The following ERICH3 variants were observed in gnomAD, a reference collection of about 807,000 sequenced individuals.
ERICH3 encodes glutamate-rich protein 3.
ERICH3 carries 126 observed loss-of-function variants against 131.1 expected under a neutral mutation model. That is an observed-to-expected ratio of 0.96 (90% CI 0.83 to 1.11). The LOEUF is 1.11. Ranked by LOEUF, ERICH3 falls within the 50% of genes most tolerant of loss-of-function variation. The pLI is 0.00. For missense variants in ERICH3, 2,050 were observed against 1,810.7 expected, an observed-to-expected ratio of 1.13 and a Z score of -2.40; for synonymous variants, 695 against 644.6, an observed-to-expected ratio of 1.08 and a Z score of -1.18.
chr1:74,641,255 G>C lies in ERICH3; in HGVS notation c.444+76C>G, dbSNP rs1457245039. On this transcript the variant is annotated intron_variant, in intron 5 of 14. Coordinates refer to ENST00000326665, the MANE Select transcript of ERICH3 (RefSeq NM_001002912.5). ...CATTACGGAGTCATGCTCCCAGAGA[G>C]TATCCCTTCTGAGAATAAGAAATAA... 2.6e-6 allele frequency: 4 copies of C among 1,534,402 alleles called. No individual in the cohort carries two copies. In the Admixed American group the frequency reaches 5.7e-5, roughly 22 times the overall value.
At chr1:74,579,660 A>C in intron 12 of ERICH3, 1 of 985,412 alleles carries the variant, frequency 1.0e-6, no homozygotes, top group Non-Finnish European at 1.2e-6. Context: ...ACTTAAAAGC[A>C]AGAACTTGGC....
chr1:74,661,551 T>C (rs1387311368), intron 1 of ERICH3, among the ~76,000 whole-genome samples: 2 of 152,206 alleles, frequency 1.3e-5, no homozygotes, highest in Non-Finnish European at 2.9e-5. Context: ...AAGAAAGTGA[T>C]TTATTGACTG....
At chr1:74,641,504 T>C (rs1265045931) in intron 4 of ERICH3, 45 bp from the exon 5 acceptor site, 1 of 1,590,176 alleles carries the variant, frequency 6.3e-7, no homozygotes, top group Admixed American at 1.8e-5. Flanking sequence ...TAGTTAGTAA[T>C]CTAGGTTAGA....
chr1:74,673,427 GGGA>G, intron 1 of ERICH3, 67 bp downstream of exon 1: 1 of 1,582,832 alleles, frequency 6.3e-7, no homozygotes, highest in Non-Finnish European at 8.6e-7. Flanking sequence ...CGCAGCAGGA[GGGA>G]GGAGGAGGGG....
intron 4 of ERICH3, among the ~76,000 whole-genome samples, chr1:74,642,486 T>C (rs1646445441): frequency 6.6e-6 from 1 of 152,102 alleles, no homozygotes; most frequent in African/African-American, 2.4e-5. Context: ...AGTTTATATT[T>C]CCTGAGTTCA....
intron 8 of ERICH3, among the ~76,000 whole-genome samples, chr1:74,614,704 A>T (rs12058029): frequency 0.025 from 3,752 of 151,842 alleles, 177 homozygotes; most frequent in African/African-American, 0.086. Flanking sequence ...TCTACACTAG[A>T]TGCAACTCAT....
At chr1:74,664,627 T>C (rs1185466968) in intron 1 of ERICH3, among the ~76,000 whole-genome samples, 1 of 152,200 alleles carries the variant, frequency 6.6e-6, no homozygotes, top group African/African-American at 2.4e-5. Context: ...GCAATTTATA[T>C]TGTCTGTTTA....
rs1646930145 is a variant in ERICH3, at chr1:74,570,951, GACAGGCTTAGGGCTAAGTGAC to G, written c.*18+127_*18+147del. 5 of 1,109,264 alleles carry G rather than the reference GACAGGCTTAGGGCTAAGTGAC, an allele frequency of 4.5e-6. No homozygotes were observed. The African/African-American group carries it at 6.3e-5, about 14-fold the overall frequency. The allele number at this position is 1,109,264 out of a possible 1,614,324, so 68.7% of individuals were successfully genotyped here. A position where few individuals can be genotyped will look rare whatever the true frequency, so the allele number is the denominator to read the frequency against. ...CTCCGTCTTTCCCAGCCCCTTTCCT[GACAGGCTTAGGGCTAAGTGAC>G]ACAGAATTGAAGCCTGTGTGTTTAT... On this transcript the variant is annotated intron_variant, in intron 14 of 14. Transcript: ENST00000326665.
intron 1 of ERICH3, among the ~76,000 whole-genome samples, chr1:74,660,542 T>C (rs1372032603): frequency 6.7e-6 from 1 of 150,188 alleles, no homozygotes; most frequent in East Asian, 2.0e-4. Flanking sequence ...CTACCATCCA[T>C]TGATTATAAG....
chr1:74,624,159 T>C (rs1305654633), intron 7 of ERICH3: 1 of 152,216 alleles, frequency 6.6e-6, no homozygotes, highest in Non-Finnish European at 1.5e-5. Flanking sequence ...AGTAGGTTGG[T>C]TCTACCCTAT....
At position 74,649,244 on chromosome 1, in the gene ERICH3, C is replaced by A. The variant is rs377323449; in HGVS notation, c.95G>T (p.Arg32Leu). The A allele has an allele frequency of 6.2e-7, 1 of 1,611,356 alleles. No homozygotes were observed. Reference sequence around the variant, plus strand: ...TACCAGTCCTGATCTTAAGAGATGACGCCTTATCCTTGTATTGTTAAAATA... The same window carrying A: ...TACCAGTCCTGATCTTAAGAGATGAAGCCTTATCCTTGTATTGTTAAAATA... ...AGYFNNTRIR[R>L]HLLRSGLITR... Residue 32 changes from arginine (R) to leucine (L), a missense_variant, in exon 2 of 15, where the codon CGT becomes CTT. Arg to Leu is a moderately radical substitution (Grantham distance 102). Transcript: ENST00000326665.
At chr1:74,587,324 C>CAAAAAAAAAAAAAAAAAA (rs11330631) in intron 12 of ERICH3, among the ~76,000 whole-genome samples, 1 of 56,286 alleles carries the variant, frequency 1.8e-5, no homozygotes, top group Non-Finnish European at 3.9e-5. Context: ...GACTCCATCT[C>CAAAAAAAAAAAAAAAAAA]AAAAAAAAAA....
At chr1:74,591,333 G>C (rs1349422089) in intron 11 of ERICH3, among the ~76,000 whole-genome samples, 1 of 152,168 alleles carries the variant, frequency 6.6e-6, no homozygotes, top group Non-Finnish European at 1.5e-5. Flanking sequence ...ATCTCAACCT[G>C]ATCCCATGGG....
chr1:74,576,461 C>T (rs1053137419), intron 13 of ERICH3, among the ~76,000 whole-genome samples: 1 of 152,170 alleles, frequency 6.6e-6, no homozygotes, highest in Admixed American at 6.5e-5. Flanking sequence ...TTACCTGGCC[C>T]TCTTCATGTT....
At position 74,598,587 on chromosome 1, in the gene ERICH3, C is replaced by T. The variant is rs1433877470; in HGVS notation, c.1726+1108G>A. Among the ~76,000 whole-genome samples, 4 of 151,636 alleles carry T rather than the reference C, an allele frequency of 2.6e-5. No individual in the cohort carries two copies. The East Asian group carries it at 7.8e-4, about 30-fold the overall frequency. On this transcript the variant is annotated intron_variant, in intron 11 of 14. Transcript: ENST00000326665. ...AAGAGCCCCTCAATAGCCATAATAT[C>T]CAATAGAGAAATGAGTAAAGCAAGC...
intron 5 of ERICH3, 146 bp from the exon 6 acceptor site, chr1:74,636,584 C>A: frequency 2.5e-6 from 2 of 787,802 alleles, no homozygotes; most frequent in Non-Finnish European, 3.9e-6. Context: ...TTCCATTATA[C>A]ATACCCTTAT....
chr1:74,609,532 A>G (rs1014764285), intron 9 of ERICH3, among the ~76,000 whole-genome samples: 5 of 151,996 alleles, frequency 3.3e-5, no homozygotes, highest in Non-Finnish European at 1.5e-5. Context: ...CTGCAGTGTT[A>G]TGGTCTCTAG....
intron 5 of ERICH3, among the ~76,000 whole-genome samples, chr1:74,637,874 G>C (rs1300669033): frequency 6.6e-6 from 1 of 151,598 alleles, no homozygotes; most frequent in Non-Finnish European, 1.5e-5. Flanking sequence ...CTGTGCCACT[G>C]CACTTCAGCC....
In ERICH3 at chr1:74,572,461, T is replaced by A; in HGVS notation, c.3249A>T (p.Ala1083=). The A allele has an allele frequency of 6.2e-7, 1 of 1,614,188 alleles. No individual in the cohort carries two copies. Among genetic ancestry groups the A allele is most frequent in the Non-Finnish European group, 8.5e-7 (1 of 1,180,036 alleles). ...AAGCATCTTCATCCTTGAGTGCATT[T>A]GCCCTTGTCACCTCTTCTCTCTCAG... ...TDSEREEVTR[A]NALKDEDAFK... is the part of the protein sequence containing the mutation. The change falls in exon 14 of 15, where the codon GCA becomes GCT. Residue 1083 remains alanine, a synonymous_variant. Transcript: ENST00000326665.
Sources: allele counts gnomAD v4.1 joint callset (sites outside exome capture counted in the v4.1 genomes callset), GRCh38; gene constraint gnomAD v4.1.1; transcripts MANE v1.5; gene names NCBI Gene and HGNC (gene_info 2026-07-23, HGNC 2026-07-21).